Variants in NASP observed in about 807,000 individuals in gnomAD.
The protein encoded by NASP is nuclear autoantigenic sperm protein.
A neutral mutation model predicts 89.5 loss-of-function variants in NASP; 24 were observed. That is an observed-to-expected ratio of 0.27 (90% CI 0.19 to 0.38). The LOEUF (loss-of-function observed/expected upper bound fraction) is 0.38, where lower values mean the gene tolerates loss of function less well. Among genes scored for constraint, NASP ranks in the 10% least tolerant of loss-of-function variants. The pLI, the probability that NASP is intolerant of heterozygous loss-of-function variation, is 1.00. For synonymous variants in NASP, 306 were observed against 324.7 expected (o/e 0.94, Z 0.62); for missense variants, 848 against 921.4 (o/e 0.92, Z 1.03).
intron 7 of NASP, among the ~76,000 whole-genome samples, 153 bp from the exon 8 acceptor site, chr1:45,613,943 C>T (rs1172549771): frequency 1.3e-5 from 2 of 152,164 alleles, no homozygotes; most frequent in Non-Finnish European, 2.9e-5. Context: ...ATGGTCATGA[C>T]TTAAGACAGT....
At chr1:45,602,414 C>T (rs1272488960) in intron 3 of NASP, 49 bp downstream of exon 3, 1 of 1,522,716 alleles carries the variant, frequency 6.6e-7, no homozygotes, top group Middle Eastern at 1.7e-4. Flanking sequence ...TCTAATAAAC[C>T]TTGAGTTATC....
chr1:45,608,362 A>C (rs1318702736), intron 6 of NASP, 25 bp downstream of exon 6: 1 of 1,575,140 alleles, frequency 6.3e-7, no homozygotes, highest in Non-Finnish European at 8.6e-7. Context: ...CAAGAGCTGC[A>C]GTGGGTGGAG....
chr1:45,586,566 G>T (rs528322965), intron 1 of NASP, among the ~76,000 whole-genome samples: 1 of 152,194 alleles, frequency 6.6e-6, no homozygotes, highest in South Asian at 2.1e-4. Flanking sequence ...TGAGATTACC[G>T]GCGTGAGCCA....
Position 45,618,619 on chromosome 1 carries a change from T to C in NASP, c.*478T>C, listed in dbSNP as rs1243607669. Reference sequence around the variant, plus strand: ...TGGTTCTTGTCCTATATCCACCTAGTCTTCACCTGGGGCTATAATTCTGTC... The same window carrying C: ...TGGTTCTTGTCCTATATCCACCTAGCCTTCACCTGGGGCTATAATTCTGTC... On this transcript the variant is annotated 3_prime_UTR_variant, in exon 15 of 15. Transcript: ENST00000350030. 6.4e-6 allele frequency: 1 copy of C among 155,062 alleles called. No homozygotes were observed. The highest frequency in any genetic ancestry group is 1.4e-5 in the Non-Finnish European group (1 of 69,562). The allele number at this position is 155,062 out of a possible 1,614,324, so 9.6% of individuals were successfully genotyped here.
At chr1:45,589,638 A>G (rs549030281) in intron 1 of NASP, among the ~76,000 whole-genome samples, 2 of 152,196 alleles carry the variant, frequency 1.3e-5, no homozygotes, top group East Asian at 3.9e-4. Context: ...AGTGGCTCAC[A>G]CCTGTAATCT....
chr1:45,586,479 G>A (rs1237191455), intron 1 of NASP, among the ~76,000 whole-genome samples: 1 of 152,108 alleles, frequency 6.6e-6, no homozygotes. Context: ...GTAAAGACGA[G>A]TTTTTGCCAT....
intron 4 of NASP, among the ~76,000 whole-genome samples, chr1:45,606,188 G>T (rs1443006332): frequency 6.6e-6 from 1 of 152,194 alleles, no homozygotes; most frequent in Non-Finnish European, 1.5e-5. Context: ...CAAAGTTTGG[G>T]AAATAGTATG....
In NASP at chr1:45,618,121, G is replaced by A. The variant is rs1197078275; in HGVS notation, c.2347G>A (p.Val783Ile). Residue 783 changes from valine (V) to isoleucine (I), a missense_variant, in exon 15 of 15, where the codon GTT becomes ATT. By Grantham distance (29) the Val-to-Ile change is conservative (BLOSUM62 3). Coordinates refer to ENST00000350030, the MANE Select transcript of NASP (RefSeq NM_002482.4). The stretch of plus-strand genomic sequence containing the variant: ...GGGGACAGTGGAGGCTGGAGCTACA[G>A]TTGAAAGCACTGCATGTTAAGAGGG... The part of the protein sequence containing the change: ...VEGTVEAGAT[V>I]ESTAC 1 of 1,598,024 alleles carries A rather than the reference G, an allele frequency of 6.3e-7. No homozygotes were observed. Among genetic ancestry groups the A allele is most frequent in the Admixed American group, 1.7e-5 (1 of 57,816 alleles).
At position 45,617,579 on chromosome 1, in the gene NASP, C is replaced by A. The variant is rs1644128687; in HGVS notation, c.2274C>A (p.Asn758Lys). ...CCAGTGGAAATGAAGTTTCGGAAAA[C>A]ATGGAGGAGGAGGTGGGCAGTTAAG... is the stretch of plus-strand genomic sequence containing the variant. ...AVPSGNEVSE[N>K]MEEEAENQAE... is the part of the protein sequence containing the mutation. The change falls in exon 14 of 15, where the codon AAC (asparagine) becomes AAA (lysine). Residue 758 changes from asparagine to lysine, a missense_variant. Physicochemically the swap from Asn to Lys is moderately conservative, Grantham distance 94. Coordinates refer to ENST00000350030, the MANE Select transcript of NASP (RefSeq NM_002482.4). The A allele has an allele frequency of 6.3e-7, 1 of 1,593,402 alleles. No homozygotes were observed. The highest frequency in any genetic ancestry group is 8.5e-7 in the Non-Finnish European group (1 of 1,172,412).
chr1:45,599,008 G>A (rs897038249), intron 2 of NASP, among the ~76,000 whole-genome samples: 4 of 152,178 alleles, frequency 2.6e-5, no homozygotes, highest in Admixed American at 2.6e-4. Context: ...TAGTCCATTA[G>A]CAAATTTTAA....
intron 2 of NASP, 121 bp downstream of exon 2, chr1:45,591,391 G>A: frequency 1.4e-6 from 1 of 702,980 alleles, no homozygotes; most frequent in South Asian, 2.0e-5. Flanking sequence ...GTGTCGCTTT[G>A]TTGCTCAGGC....
intron 2 of NASP, among the ~76,000 whole-genome samples, chr1:45,600,125 C>T (rs1193027284): frequency 6.6e-6 from 1 of 152,104 alleles, no homozygotes; most frequent in African/African-American, 2.4e-5. Flanking sequence ...ATTATCCTTC[C>T]AAATAATTTG....
rs1294219351 is a variant in NASP, at chr1:45,608,027, A to C, written c.1116A>C (p.Pro372=). ...EVSEKPGQEA[P]VLPKDGAVNG... ...CTGAAAAGCCTGGGCAGGAGGCTCC[A>C]GTTCTCCCTAAGGATGGTGCAGTCA... Residue 372 remains proline, a synonymous_variant, in exon 6 of 15, where the codon CCA becomes CCC. Transcript: ENST00000350030. 6.2e-7 allele frequency: 1 copy of C among 1,614,052 alleles called. No homozygotes were observed.
intron 1 of NASP, among the ~76,000 whole-genome samples, chr1:45,587,765 T>C (rs1644578211): frequency 6.7e-6 from 1 of 148,394 alleles, no homozygotes; most frequent in African/African-American, 2.5e-5. Flanking sequence ...TTACTGCAAC[T>C]TCTGCCTCCC....
intron 1 of NASP, among the ~76,000 whole-genome samples, chr1:45,584,669 T>C (rs1644502540): frequency 1.9e-5 from 1 of 53,410 alleles, no homozygotes; most frequent in Non-Finnish European, 3.5e-5. Flanking sequence ...AGGCTGGACC[T>C]GAGGGGTCGG....
rs776997436 is a variant in NASP at position 45,607,776 on chromosome 1, C to T, written c.865C>T (p.Gln289Ter). The T allele has an allele frequency of 6.2e-7, 1 of 1,614,080 alleles. No individual in the cohort carries two copies. The highest frequency in any genetic ancestry group is 1.1e-5 in the South Asian group (1 of 91,074). ...GCAGCCTGTGGTGACTCTAGAAAAGCAGGGCACTGCAGTGGAGGTAGAAGC... is the reference window on the plus strand; with the variant it reads ...GCAGCCTGTGGTGACTCTAGAAAAGTAGGGCACTGCAGTGGAGGTAGAAGC... Reference protein sequence around the residue: ...EEQPVVTLEKQGTAVEVEAES... With the variant: ...EEQPVVTLEK Residue 289 changes from glutamine to a stop codon, truncating the protein, a stop_gained, in exon 6 of 15, where the codon CAG becomes TAG. Coordinates refer to ENST00000350030, the MANE Select transcript of NASP (RefSeq NM_002482.4). LOFTEE classifies it high-confidence loss of function.
chr1:45,590,735 C>G (rs1430591466), intron 1 of NASP, among the ~76,000 whole-genome samples: 1 of 123,074 alleles, frequency 8.1e-6, no homozygotes, highest in East Asian at 2.5e-4. Context: ...ATCTCCCTGA[C>G]ATTGTATTTA....
rs189842615 is a variant in NASP, at chr1:45,615,466, A to T, written c.2017A>T (p.Thr673Ser). ...TGTAGCTGAACTGGCTCTGAAAGCT[A>T]CTCTGGTTGGTTCCGTTAACATTTT... The part of the protein sequence containing the change: ...GNVAELALKA[T>S]LVESSTSGFT... The change falls in exon 11 of 15, where the codon ACT becomes TCT. Residue 673 changes from threonine (T) to serine (S), a missense_variant. By Grantham distance (58) the Thr-to-Ser change is moderately conservative (BLOSUM62 1). Coordinates refer to ENST00000350030, the MANE Select transcript of NASP (RefSeq NM_002482.4). 6 of 1,609,888 alleles carry T rather than the reference A, an allele frequency of 3.7e-6. No homozygotes were observed. In the Admixed American group the frequency reaches 1.0e-4, roughly 27 times the overall value.
At chr1:45,615,765 GT>G (rs1644094905) in intron 11 of NASP, 1 of 274,650 alleles carries the variant, frequency 3.6e-6, no homozygotes, top group African/African-American at 2.2e-5. Context: ...GACCAGAAGT[GT>G]TTTGCATTTC....
Sources: gnomAD v4.1 joint callset for allele counts (sites outside exome capture counted in the v4.1 genomes callset) on GRCh38, gnomAD v4.1.1 for gene constraint, MANE v1.5 for transcripts, NCBI Gene and HGNC (gene_info 2026-07-23, HGNC 2026-07-21) for gene names.